Variants in NALCN observed in about 807,000 individuals in gnomAD.
NALCN encodes sodium leak channel, non-selective.
In NALCN, 111 loss-of-function variants were observed where a neutral mutation model predicts 225.3. The observed-to-expected ratio is 0.49, with a 90% CI of 0.42 to 0.58. The LOEUF is 0.58. Among genes scored for constraint, NALCN ranks in the 20% least tolerant of loss-of-function variants. The probability of loss-of-function intolerance (pLI) is 0.00; values close to 1 mark genes in which losing one functional copy is unlikely to be tolerated. For missense variants in NALCN, 1,378 were observed against 2,202.4 expected (o/e 0.63, Z 7.49); for synonymous variants, 764 against 769.0 (o/e 0.99, Z 0.11).
intron 7 of NALCN, among the ~76,000 whole-genome samples, chr13:101,299,314 A>G (rs1260434531): frequency 6.6e-6 from 1 of 152,260 alleles, no homozygotes; most frequent in African/African-American, 2.4e-5. Context: ...ATTAATTAAA[A>G]TCGAAAATAA....
chr13:101,401,809 C>T (rs1484822233), intron 1 of NALCN, among the ~76,000 whole-genome samples: 1 of 152,084 alleles, frequency 6.6e-6, no homozygotes, highest in Admixed American at 6.5e-5. Flanking sequence ...CCTGGCTAAT[C>T]CACACATACA....
intron 18 of NALCN, among the ~76,000 whole-genome samples, chr13:101,111,850 T>C (rs2035457738): frequency 6.6e-6 from 1 of 152,308 alleles, no homozygotes; most frequent in African/African-American, 2.4e-5. Flanking sequence ...CTTTCGTAAA[T>C]TGCCCAGTCT....
chr13:101,062,582 C>A (rs1257636297), intron 40 of NALCN, among the ~76,000 whole-genome samples: 2 of 151,984 alleles, frequency 1.3e-5, no homozygotes, highest in African/African-American at 4.8e-5. Context: ...CTCATTCATC[C>A]TTCTGTATCT....
At chr13:101,358,528 T>TA (rs766498159) in intron 6 of NALCN, among the ~76,000 whole-genome samples, 1 of 152,118 alleles carries the variant, frequency 6.6e-6, no homozygotes, top group South Asian at 2.1e-4. Flanking sequence ...CGGCGATTAT[T>TA]AAAAAGTCAA....
chr13:101,200,961 G>A (rs1348155151), intron 13 of NALCN, among the ~76,000 whole-genome samples: 2 of 152,086 alleles, frequency 1.3e-5, no homozygotes, highest in Non-Finnish European at 2.9e-5. Context: ...AGAAAAAGTA[G>A]AATGGTTAAA....
At chr13:101,210,184 A>AC (rs2040470235) in intron 13 of NALCN, among the ~76,000 whole-genome samples, 1 of 151,776 alleles carries the variant, frequency 6.6e-6, no homozygotes, top group South Asian at 2.1e-4. Context: ...CTCCTTCCCC[A>AC]CCCCCATCTG....
chr13:101,369,065 A>G (rs146638290), intron 6 of NALCN: 69 of 319,606 alleles, frequency 2.2e-4, no homozygotes, highest in African/African-American at 1.3e-3. Context: ...TATCAAAGCT[A>G]TAACAGTTGT....
intron 13 of NALCN, among the ~76,000 whole-genome samples, chr13:101,217,063 G>T (rs1169220304): frequency 6.6e-6 from 1 of 152,098 alleles, no homozygotes; most frequent in Non-Finnish European, 1.5e-5. Flanking sequence ...AAGGAATAAA[G>T]GTACAGAGCT....
At chr13:101,206,559 C>T (rs886890452) in intron 13 of NALCN, among the ~76,000 whole-genome samples, 31 of 149,878 alleles carry the variant, frequency 2.1e-4, no homozygotes, top group African/African-American at 7.5e-4. Flanking sequence ...CATGTACTTG[C>T]CATTTAAAAA....
chr13:101,383,233 A>G (rs1332024934), intron 3 of NALCN, among the ~76,000 whole-genome samples: 1 of 152,178 alleles, frequency 6.6e-6, no homozygotes, highest in Non-Finnish European at 1.5e-5. Context: ...CTGACAACTC[A>G]GCTCATGTAT....
intron 15 of NALCN, among the ~76,000 whole-genome samples, chr13:101,149,290 CAA>C (rs57870899): frequency 0.012 from 1,643 of 142,206 alleles, 13 homozygotes; most frequent in African/African-American, 0.023. Context: ...GAGACTGTCT[CAA>C]AAAAAAAAAA....
At chr13:101,323,682 C>G (rs2044836942) in intron 7 of NALCN, among the ~76,000 whole-genome samples, 1 of 152,056 alleles carries the variant, frequency 6.6e-6, no homozygotes, top group Non-Finnish European at 1.5e-5. Flanking sequence ...AATTTATAAC[C>G]TATACAAATA....
chr13:101,221,678 GATT>G (rs930376576), intron 13 of NALCN, among the ~76,000 whole-genome samples: 79 of 152,222 alleles, frequency 5.2e-4, no homozygotes, highest in African/African-American at 1.8e-3. Context: ...ACACCACCAA[GATT>G]TTAAATGTTT....
At chr13:101,064,898 G>A (rs1294961609) in intron 40 of NALCN, among the ~76,000 whole-genome samples, 1 of 152,220 alleles carries the variant, frequency 6.6e-6, no homozygotes, top group Non-Finnish European at 1.5e-5. Flanking sequence ...CCTCTGTCCT[G>A]TCTGGGCGCT....
At position 101,216,813 on chromosome 13, in the gene NALCN, C is replaced by A. The variant is rs16958648; in HGVS notation, c.1626+12580G>T. 2.0e-5 allele frequency among the ~76,000 whole-genome samples: 3 copies of A among 151,992 alleles called. No homozygotes were observed. In the East Asian group the frequency reaches 5.8e-4, roughly 29 times the overall value. ...TAATTTTTAATTATGTGTTTTATAG[C>A]ATTTGTTGCTTCTATCGTGCAATAA... On this transcript the variant is annotated intron_variant, in intron 13 of 43. Coordinates refer to ENST00000251127, the MANE Select transcript of NALCN (RefSeq NM_052867.4).
chr13:101,327,285 A>G (rs1357342434), intron 7 of NALCN, among the ~76,000 whole-genome samples: 1 of 152,202 alleles, frequency 6.6e-6, no homozygotes, highest in Non-Finnish European at 1.5e-5. Context: ...ATTGTATTTA[A>G]ATAAATGATA....
At chr13:101,406,203 G>A (rs2047619445) in intron 1 of NALCN, among the ~76,000 whole-genome samples, 2 of 151,590 alleles carry the variant, frequency 1.3e-5, no homozygotes, top group Admixed American at 6.6e-5. Flanking sequence ...GCATGCACCT[G>A]TAGTCCCAGC....
chr13:101,113,786 A>G (rs1173234302), intron 18 of NALCN, among the ~76,000 whole-genome samples: 1 of 152,224 alleles, frequency 6.6e-6, no homozygotes, highest in Non-Finnish European at 1.5e-5. Context: ...TTTATACTCC[A>G]TGTTCCTACA....
chr13:101,140,512 A>G (rs1299710154), intron 17 of NALCN, among the ~76,000 whole-genome samples: 2 of 152,228 alleles, frequency 1.3e-5, no homozygotes, highest in African/African-American at 4.8e-5. Flanking sequence ...TCAGCTCTCT[A>G]TCCTCTTCCT....
Sources: gnomAD v4.1 joint callset for allele counts (sites outside exome capture counted in the v4.1 genomes callset) on GRCh38, gnomAD v4.1.1 for gene constraint, MANE v1.5 for transcripts, NCBI Gene and HGNC (gene_info 2026-07-23, HGNC 2026-07-21) for gene names.